The following KSR2 variants were observed in gnomAD, a reference collection of about 807,000 sequenced individuals.
The protein encoded by KSR2 is kinase suppressor of ras 2.
Under a neutral mutation model 107.8 loss-of-function variants are expected in KSR2, and 25 were observed. The observed-to-expected ratio is 0.23, with a 90% CI of 0.17 to 0.32. The LOEUF is 0.32. Ranked by LOEUF, KSR2 falls within the 10% of genes least tolerant of loss-of-function variation. The probability of loss-of-function intolerance (pLI) is 1.00; values close to 1 mark genes in which losing one functional copy is unlikely to be tolerated. For synonymous variants in KSR2, 480 were observed against 507.0 expected, an observed-to-expected ratio of 0.95 and a Z score of 0.71; for missense variants, 887 against 1,268.9, an observed-to-expected ratio of 0.70 and a Z score of 4.57.
At chr12:117,637,675 GTTTTTTTTTTT>G (rs56169273) in intron 5 of KSR2, among the ~76,000 whole-genome samples, 3 of 92,110 alleles carry the variant, frequency 3.3e-5, no homozygotes, top group East Asian at 4.8e-4. Flanking sequence ...TCAGTTTTGG[GTTTTTTTTTTT>G]TTTTTTTTTT....
chr12:117,897,970 T>A lies in KSR2; in HGVS notation c.181-37539A>T, dbSNP rs944966470. ...ATACACGTACACACACACAGTCATA[T>A]GGTATACTCTATCAGCAACCTAACA... On this transcript the variant is annotated intron_variant, in intron 1 of 19. Coordinates refer to ENST00000339824, the MANE Select transcript of KSR2 (RefSeq NM_173598.6). This position sits in a 1 kb window ranked among gnomAD's most constrained non-coding sequence, Gnocchi z 4.5. 6.6e-6 allele frequency among the ~76,000 whole-genome samples: 1 copy of A among 152,112 alleles called. No individual in the cohort carries two copies. Among genetic ancestry groups the A allele is most frequent in the Non-Finnish European group, 1.5e-5 (1 of 68,014 alleles).
chr12:117,871,409 T>C (rs1442756643), intron 1 of KSR2, among the ~76,000 whole-genome samples: 1 of 152,064 alleles, frequency 6.6e-6, no homozygotes, highest in East Asian at 1.9e-4. Context: ...GACAACATGG[T>C]GAAACCCCGT....
intron 5 of KSR2, among the ~76,000 whole-genome samples, chr12:117,656,262 C>T (rs7965602): frequency 0.75 from 114,613 of 152,162 alleles, 43,567 homozygotes; most frequent in South Asian, 0.87. Flanking sequence ...TTAAGCATTG[C>T]TAACTTTATA....
At position 117,858,696 on chromosome 12, in the gene KSR2, C is replaced by T. The variant is rs75891066; in HGVS notation, c.321+1595G>A. On this transcript the variant is annotated intron_variant, in intron 2 of 19. Coordinates refer to ENST00000339824, the MANE Select transcript of KSR2 (RefSeq NM_173598.6). ...AGGCAACAGGAAAACAAGGCTAATGCACAGTGCTTCTGACCTAAAGCTTTG... is the reference window on the plus strand; with the variant it reads ...AGGCAACAGGAAAACAAGGCTAATGTACAGTGCTTCTGACCTAAAGCTTTG... Among the ~76,000 whole-genome samples, 723 of 152,332 alleles carry T rather than the reference C, an allele frequency of 4.7e-3. 51 individuals carry two copies. In the East Asian group the frequency reaches 0.12, roughly 25 times the overall value.
At position 117,824,297 on chromosome 12, in the gene KSR2, G is replaced by A. The variant is rs187783558; in HGVS notation, c.472+31131C>T. On this transcript the variant is annotated intron_variant, in intron 3 of 19. Coordinates refer to ENST00000339824, the MANE Select transcript of KSR2 (RefSeq NM_173598.6). The stretch of plus-strand genomic sequence containing the variant: ...GTATGACGACAAGTTGGATTAATGG[G>A]TACAAATATTCGATTTGATAGAAAA... 4.4e-3 allele frequency among the ~76,000 whole-genome samples: 671 copies of A among 152,126 alleles called. 3 individuals carry two copies. Among genetic ancestry groups the A allele is most frequent in the Non-Finnish European group, 5.8e-3 (393 of 67,998 alleles).
At chr12:117,524,008 C>T (rs1874942119) in intron 14 of KSR2, among the ~76,000 whole-genome samples, 1 of 152,120 alleles carries the variant, frequency 6.6e-6, no homozygotes, top group Non-Finnish European at 1.5e-5. Flanking sequence ...GGTTTGCAGA[C>T]TACGGCCCAT....
In KSR2 at chr12:117,534,203, C is replaced by G. The variant is rs375815356; in HGVS notation, c.1688-2496G>C. Among the ~76,000 whole-genome samples the G allele has an allele frequency of 1.5e-3, 224 of 152,240 alleles. 5 individuals carry two copies. In the South Asian group the frequency reaches 0.045, roughly 31 times the overall value. On this transcript the variant is annotated intron_variant, in intron 10 of 19. Transcript: ENST00000339824. ...CCAAGAGAGCAGCCAGAGTGGTCTT[C>G]TAGAAGGAAGGAAGAAAGGTCAAGT...
chr12:117,748,979 C>T (rs999373578), intron 4 of KSR2, among the ~76,000 whole-genome samples: 3 of 151,546 alleles, frequency 2.0e-5, no homozygotes, highest in Non-Finnish European at 2.9e-5. Context: ...GGGTATAGAA[C>T]GCACAGCAGA....
intron 4 of KSR2, among the ~76,000 whole-genome samples, chr12:117,691,210 C>T (rs1218757322): frequency 2.6e-5 from 4 of 152,132 alleles, no homozygotes; most frequent in Admixed American, 6.5e-5. Flanking sequence ...CATTTTTGGA[C>T]GCTTTGTTCC....
chr12:117,717,667 G>GTA (rs1491287148), intron 4 of KSR2, among the ~76,000 whole-genome samples: 675 of 3,036 alleles, frequency 0.22, 5 homozygotes, highest in Middle Eastern at 0.42. Flanking sequence ...GGGCAGACAG[G>GTA]TGTGTGTGTG....
At position 117,575,793 on chromosome 12, in the gene KSR2, G is replaced by T. The variant is rs919205762; in HGVS notation, c.1325+3326C>A. 2.6e-5 allele frequency among the ~76,000 whole-genome samples: 4 copies of T among 152,182 alleles called. 1 individual carries two copies. Among genetic ancestry groups the T allele is most frequent in the African/African-American group, 9.7e-5 (4 of 41,444 alleles). Reference sequence around the variant, plus strand: ...AGTCATTTTTGCACAAGACGGAATAGGGAAGAATGTTCTCTGATAAAACAT... The same window carrying T: ...AGTCATTTTTGCACAAGACGGAATATGGAAGAATGTTCTCTGATAAAACAT... On this transcript the variant is annotated intron_variant, in intron 7 of 19. Coordinates refer to ENST00000339824, the MANE Select transcript of KSR2 (RefSeq NM_173598.6).
chr12:117,474,762 C>A (rs1340527156), intron 17 of KSR2, among the ~76,000 whole-genome samples: 1 of 152,152 alleles, frequency 6.6e-6, no homozygotes, highest in Non-Finnish European at 1.5e-5. Flanking sequence ...TCTGACAAGT[C>A]CTAAACTGCT....
intron 9 of KSR2, among the ~76,000 whole-genome samples, chr12:117,546,534 A>G (rs950100389): frequency 1.3e-5 from 2 of 152,124 alleles, no homozygotes; most frequent in African/African-American, 4.8e-5. Context: ...GTTTTCAACC[A>G]TTATTTCTTT....
At chr12:117,633,498 C>T (rs1278511429) in intron 5 of KSR2, among the ~76,000 whole-genome samples, 4 of 152,196 alleles carry the variant, frequency 2.6e-5, no homozygotes, top group Non-Finnish European at 4.4e-5. Flanking sequence ...TATTCTCTCA[C>T]GGTTCTAGAG....
chr12:117,490,349 A>G (rs1872684160), intron 14 of KSR2, among the ~76,000 whole-genome samples: 1 of 152,248 alleles, frequency 6.6e-6, no homozygotes, highest in Non-Finnish European at 1.5e-5. Flanking sequence ...TAAAATGGGC[A>G]CAGCAGAAAC....
chr12:117,609,868 C>G (rs540305553), intron 5 of KSR2, among the ~76,000 whole-genome samples: 1 of 152,314 alleles, frequency 6.6e-6, no homozygotes, highest in Non-Finnish European at 1.5e-5. Flanking sequence ...TTTCCAGACA[C>G]TAGGAGTGGA....
At chr12:117,825,902 C>CGTGGAAGG (rs1566034413) in intron 3 of KSR2, among the ~76,000 whole-genome samples, 2 of 100,336 alleles carry the variant, frequency 2.0e-5, no homozygotes, top group Non-Finnish European at 3.9e-5. Flanking sequence ...TGCATAGATG[C>CGTGGAAGG]GTGGATGGGT....
chr12:117,794,434 T>TCACACCAACATGCACA (rs1233595587), intron 3 of KSR2, among the ~76,000 whole-genome samples: 1 of 28,498 alleles, frequency 3.5e-5, no homozygotes, highest in Non-Finnish European at 5.8e-5. Flanking sequence ...ACATGCACAC[T>TCACACCAACATGCACA]CACACCAACA....
At chr12:117,735,312 T>G (rs537694150) in intron 4 of KSR2, among the ~76,000 whole-genome samples, 1 of 152,288 alleles carries the variant, frequency 6.6e-6, no homozygotes, top group African/African-American at 2.4e-5. Flanking sequence ...AGTGAATAGA[T>G]CTGGGGCATT....
Sources: allele counts gnomAD v4.1 joint callset (sites outside exome capture counted in the v4.1 genomes callset), GRCh38; gene constraint gnomAD v4.1.1; non-coding constraint Gnocchi (gnomAD v3.1); transcripts MANE v1.5; gene names NCBI Gene and HGNC (gene_info 2026-07-23, HGNC 2026-07-21).